ZNF740: variants seen among roughly 807,000 people sequenced by gnomAD.
The protein encoded by ZNF740 is zinc finger protein 740.
In ZNF740, 14 loss-of-function variants were observed where a neutral mutation model predicts 24.8. That is an observed-to-expected ratio of 0.56 (90% confidence interval 0.37 to 0.88). The LOEUF (loss-of-function observed/expected upper bound fraction) is 0.88. Ranked by LOEUF, ZNF740 falls within the 40% of genes least tolerant of loss-of-function variation. The pLI, the probability that ZNF740 is intolerant of heterozygous loss-of-function variation, is 0.00. For missense variants in ZNF740, 201 were observed against 247.9 expected (o/e 0.81, Z 1.27); for synonymous variants, 69 against 84.0 (o/e 0.82, Z 0.98).
Position 53,192,648 on chromosome 12 carries a change from C to T in ZNF740, c.*5058C>T. On this transcript the variant is annotated 3_prime_UTR_variant, in exon 7 of 7. Transcript: ENST00000416904. ...GCAGATGGGAGTAGCTCAACAAGCC[C>T]CACTGTGCCCCTGCTCCCAAGATGC... The T allele has an allele frequency of 1.2e-6, 2 of 1,601,908 alleles. No homozygotes were observed. Among genetic ancestry groups the T allele is most frequent in the Non-Finnish European group, 1.7e-6 (2 of 1,171,182 alleles).
In ZNF740 at chr12:53,191,271, T is replaced by A. The variant is rs1941932828; in HGVS notation, c.*3681T>A. 1 of 435,284 alleles carries A rather than the reference T, an allele frequency of 2.3e-6. No individual in the cohort carries two copies. The highest frequency in any genetic ancestry group is 2.0e-5 in the African/African-American group (1 of 49,738). 27.0% of individuals were successfully genotyped at this position (435,284 alleles called of 1,614,324 possible). On this transcript the variant is annotated 3_prime_UTR_variant, in exon 7 of 7. Coordinates refer to ENST00000416904, the MANE Select transcript of ZNF740 (RefSeq NM_001004304.4). ...ACAAGAGCTTTCCCGAGGCCCAGGC[T>A]ATAAACAGTCTGCTTTGGCCTTGAT...
intron 1 of ZNF740, chr12:53,181,087 C>T: frequency 3.4e-6 from 3 of 895,052 alleles, no homozygotes; most frequent in East Asian, 1.2e-4. Context: ...GCACGCATCT[C>T]GCGCGCTTCT....
rs1402178196 is a variant in ZNF740 at position 53,192,914 on chromosome 12, G to C, written c.*5324G>C. ...CCACATTGGCAGCGACCAAAGCCTGGGGTAGAGCCATGCAGAGGGTGACAA... is the reference window on the plus strand; with the variant it reads ...CCACATTGGCAGCGACCAAAGCCTGCGGTAGAGCCATGCAGAGGGTGACAA... On this transcript the variant is annotated 3_prime_UTR_variant, in exon 7 of 7. Transcript: ENST00000416904. 6.2e-7 allele frequency: 1 copy of C among 1,613,506 alleles called. No individual in the cohort carries two copies. The highest frequency in any genetic ancestry group is 1.7e-5 in the Admixed American group (1 of 59,996).
chr12:53,186,544 A>T, intron 6 of ZNF740, 35 bp downstream of exon 6: 1 of 1,507,312 alleles, frequency 6.6e-7, no homozygotes, highest in Non-Finnish European at 9.0e-7. Flanking sequence ...CCCCACACAC[A>T]CTTTTCCTTC....
Position 53,193,956 on chromosome 12 carries a change from CA to C in ZNF740, c.*6369del, listed in dbSNP as rs1397358459. 4 of 1,491,342 alleles carry C rather than the reference CA, an allele frequency of 2.7e-6. No individual in the cohort carries two copies. The African/African-American group carries it at 5.6e-5, about 21-fold the overall frequency. 92.4% of individuals were successfully genotyped at this position (1,491,342 alleles called of 1,614,324 possible). On this transcript the variant is annotated 3_prime_UTR_variant, in exon 7 of 7. Transcript: ENST00000416904. ...TATACACATGCACACACACATACCC[CA>C]AACTCACCAATCATCCAGAACCTCA... is the stretch of plus-strand genomic sequence containing the variant.
At chr12:53,182,064 T>G in intron 2 of ZNF740, 72 bp downstream of exon 2, 3 of 1,565,184 alleles carry the variant, frequency 1.9e-6, no homozygotes, top group South Asian at 2.3e-5. Flanking sequence ...GAATGCTGCC[T>G]TAGTCAACAT....
At position 53,193,964 on chromosome 12, in the gene ZNF740, C is replaced by T. The variant is rs1370200136; in HGVS notation, c.*6374C>T. On this transcript the variant is annotated 3_prime_UTR_variant, in exon 7 of 7. Coordinates refer to ENST00000416904, the MANE Select transcript of ZNF740 (RefSeq NM_001004304.4). Reference sequence around the variant, plus strand: ...TGCACACACACATACCCCAAACTCACCAATCATCCAGAACCTCACCCCTTA... The same window carrying T: ...TGCACACACACATACCCCAAACTCATCAATCATCCAGAACCTCACCCCTTA... 6.8e-7 allele frequency: 1 copy of T among 1,469,562 alleles called. No homozygotes were observed. The highest frequency in any genetic ancestry group is 9.3e-7 in the Non-Finnish European group (1 of 1,074,052). 91.0% of individuals were successfully genotyped at this position (1,469,562 alleles called of 1,614,324 possible).
At position 53,187,805 on chromosome 12, in the gene ZNF740, C is replaced by A. The variant is rs189072910; in HGVS notation, c.*215C>A. ...TATGAGTATCTCGGGGAAGTTCTTA[C>A]AGCATTCCTGGGTAGGGGAGCTAGT... On this transcript the variant is annotated 3_prime_UTR_variant, in exon 7 of 7. Transcript: ENST00000416904. 1 of 545,598 alleles carries A rather than the reference C, an allele frequency of 1.8e-6. No individual in the cohort carries two copies. The highest frequency in any genetic ancestry group is 1.9e-5 in the African/African-American group (1 of 52,600). 33.8% of individuals were successfully genotyped at this position (545,598 alleles called of 1,614,324 possible). A position where few individuals can be genotyped will look rare whatever the true frequency, so the allele number is the denominator to read the frequency against.
chr12:53,185,877 A>G, intron 4 of ZNF740, 77 bp from the exon 5 acceptor site: 5 of 1,556,854 alleles, frequency 3.2e-6, no homozygotes, highest in Non-Finnish European at 4.4e-6. Flanking sequence ...AACAGCTGGA[A>G]GTGGACCCAG....
intron 2 of ZNF740, among the ~76,000 whole-genome samples, chr12:53,184,161 G>A (rs973311034): frequency 7.2e-6 from 1 of 138,346 alleles, no homozygotes; most frequent in Non-Finnish European, 1.5e-5. Flanking sequence ...GCGCGCGCGC[G>A]CTCTGAAGCT....
In ZNF740 at chr12:53,188,926, T is replaced by C. The variant is rs1941876487; in HGVS notation, c.*1336T>C. 6.6e-6 allele frequency: 1 copy of C among 152,124 alleles called. No homozygotes were observed. The highest frequency in any genetic ancestry group is 1.5e-5 in the Non-Finnish European group (1 of 68,022). The allele number at this position is 152,124 out of a possible 1,614,324, so 9.4% of individuals were successfully genotyped here. A position where few individuals can be genotyped will look rare whatever the true frequency, so the allele number is the denominator to read the frequency against. On this transcript the variant is annotated 3_prime_UTR_variant, in exon 7 of 7. Coordinates refer to ENST00000416904, the MANE Select transcript of ZNF740 (RefSeq NM_001004304.4). ...TGTGAGAGAGAGTGTGTGTGAGATATGAATGCATGTATTTGTATGCTTGCA... is the reference window on the plus strand; with the variant it reads ...TGTGAGAGAGAGTGTGTGTGAGATACGAATGCATGTATTTGTATGCTTGCA...
At chr12:53,183,784 G>A (rs1044281773) in intron 2 of ZNF740, among the ~76,000 whole-genome samples, 1 of 152,102 alleles carries the variant, frequency 6.6e-6, no homozygotes, top group Non-Finnish European at 1.5e-5. Flanking sequence ...AGGACCTTAG[G>A]AGACTGAGGC....
In ZNF740 at chr12:53,187,985, A is replaced by G; in HGVS notation, c.*395A>G. On this transcript the variant is annotated 3_prime_UTR_variant, in exon 7 of 7. Coordinates refer to ENST00000416904, the MANE Select transcript of ZNF740 (RefSeq NM_001004304.4). ...TTCTGTTCTTGTTTTTGTTTATCCA[A>G]AAGCAACTTCAGCGGGTAAACTGTG... The G allele has an allele frequency of 4.8e-6, 1 of 208,404 alleles. No individual in the cohort carries two copies. Among genetic ancestry groups the G allele is most frequent in the South Asian group, 8.5e-5 (1 of 11,808 alleles). 12.9% of individuals were successfully genotyped at this position (208,404 alleles called of 1,614,324 possible).
chr12:53,185,621 A>G, intron 4 of ZNF740, 145 bp downstream of exon 4: 1 of 773,364 alleles, frequency 1.3e-6, no homozygotes, highest in South Asian at 1.8e-5. Context: ...GATTTCATCC[A>G]GAGACTACCT....
chr12:53,192,745 T>C lies in ZNF740; in HGVS notation c.*5155T>C, dbSNP rs1374601694. The C allele has an allele frequency of 1.9e-6, 3 of 1,614,214 alleles. No homozygotes were observed. The highest frequency in any genetic ancestry group is 1.3e-5 in the African/African-American group (1 of 75,060). ...TGGGCATTGGTCGCATAGAGCACCA[T>C]AGTAGCCGTCCAAGCACTGGCAGCG... On this transcript the variant is annotated 3_prime_UTR_variant, in exon 7 of 7. Coordinates refer to ENST00000416904, the MANE Select transcript of ZNF740 (RefSeq NM_001004304.4).
At chr12:53,186,675 G>A (rs1374826413) in intron 6 of ZNF740, 166 bp downstream of exon 6, 2 of 557,226 alleles carry the variant, frequency 3.6e-6, no homozygotes, top group Admixed American at 6.1e-5. Flanking sequence ...CTGATCATGG[G>A]GAGCAGCAAT....
At position 53,185,058 on chromosome 12, in the gene ZNF740, A is replaced by G. The variant is rs781504583; in HGVS notation, c.159+18A>G. On this transcript the variant is annotated intron_variant, in intron 3 of 6. Transcript: ENST00000416904. ...CGAGTCAGGTACAGCGCTTGAGTCC[A>G]TTGTGGCACCTGGGGATCGGGTGGC... is the stretch of plus-strand genomic sequence containing the variant. 4.3e-6 allele frequency: 7 copies of G among 1,612,314 alleles called. No homozygotes were observed. Among genetic ancestry groups the G allele is most frequent in the South Asian group, 3.3e-5 (3 of 91,046 alleles).
rs989385516 is a variant in ZNF740 at position 53,181,924 on chromosome 12, C to T, written c.-60C>T. On this transcript the variant is annotated 5_prime_UTR_variant, in exon 2 of 7. Coordinates refer to ENST00000416904, the MANE Select transcript of ZNF740 (RefSeq NM_001004304.4). ...ACAGTTCTTCAAAACGACAGTGTCT[C>T]AAGGAAAGGTGGACCTAGGAACTCC... 5 of 1,585,954 alleles carry T rather than the reference C, an allele frequency of 3.2e-6. No homozygotes were observed. In the Admixed American group the frequency reaches 9.0e-5, roughly 29 times the overall value.
intron 5 of ZNF740, 101 bp from the exon 6 acceptor site, chr12:53,186,290 G>C: frequency 8.3e-7 from 1 of 1,211,980 alleles, no homozygotes; most frequent in Non-Finnish European, 1.2e-6. Context: ...GATCACTTAG[G>C]TGTCTACACA....
Sources: gnomAD v4.1 joint callset for allele counts (sites outside exome capture counted in the v4.1 genomes callset) on GRCh38, gnomAD v4.1.1 for gene constraint, MANE v1.5 for transcripts, NCBI Gene and HGNC (gene_info 2026-07-23, HGNC 2026-07-21) for gene names.